AKAP9: variants seen among roughly 807,000 people sequenced by gnomAD.
AKAP9 encodes the protein A-kinase anchoring protein 9.
In AKAP9, 311 loss-of-function variants were observed where a neutral mutation model predicts 488.5. That is an observed-to-expected ratio of 0.64 (90% confidence interval 0.58 to 0.70). The LOEUF is 0.70. AKAP9 is among the 30% of genes least tolerant of loss of function. The pLI is 0.00. For missense variants in AKAP9, 4,215 were observed against 4,374.5 expected (o/e 0.96, Z 1.03); for synonymous variants, 1,462 against 1,483.5 (o/e 0.99, Z 0.33).
intron 7 of AKAP9, among the ~76,000 whole-genome samples, chr7:91,996,625 C>T (rs1419444578): frequency 1.3e-5 from 2 of 152,174 alleles, no homozygotes; most frequent in Non-Finnish European, 2.9e-5. Flanking sequence ...TCGCTCTGTG[C>T]ACACCTACAA....
intron 7 of AKAP9, among the ~76,000 whole-genome samples, chr7:91,997,625 G>A (rs1192952842): frequency 1.3e-5 from 2 of 152,150 alleles, no homozygotes; most frequent in African/African-American, 4.8e-5. Context: ...GGTGTAACTT[G>A]TCTAGAAACA....
chr7:91,972,001 T>TC (rs1007899938), intron 1 of AKAP9, among the ~76,000 whole-genome samples: 8 of 147,058 alleles, frequency 5.4e-5, no homozygotes, highest in East Asian at 3.9e-4. Flanking sequence ...TTTTTTTTTT[T>TC]TGCACTATGT....
At chr7:92,034,042 G>T (rs944389397) in intron 16 of AKAP9, among the ~76,000 whole-genome samples, 8 of 152,154 alleles carry the variant, frequency 5.3e-5, no homozygotes, top group African/African-American at 1.9e-4. Context: ...GTGAGATGGT[G>T]TTATTTTATA....
chr7:91,991,373 G>A (rs1022965975), intron 3 of AKAP9, among the ~76,000 whole-genome samples: 7 of 152,066 alleles, frequency 4.6e-5, no homozygotes, highest in African/African-American at 1.7e-4. Flanking sequence ...CAATTAATAG[G>A]TGTGCCAGTT....
At chr7:91,993,315 A>T (rs1179665398) in intron 5 of AKAP9, among the ~76,000 whole-genome samples, 1 of 151,462 alleles carries the variant, frequency 6.6e-6, no homozygotes, top group Non-Finnish European at 1.5e-5. Flanking sequence ...CAGCCTTGTG[A>T]GTAACTGGGA....
chr7:92,061,210 G>A (rs762013635), intron 22 of AKAP9, 50 bp from the exon 23 acceptor site: 3 of 1,597,732 alleles, frequency 1.9e-6, no homozygotes, highest in South Asian at 2.2e-5. Flanking sequence ...AATGAAACTA[G>A]TATTTCCACA....
chr7:91,955,131 A>G (rs2130485724), intron 1 of AKAP9, among the ~76,000 whole-genome samples: 1 of 152,268 alleles, frequency 6.6e-6, no homozygotes, highest in South Asian at 2.1e-4. Flanking sequence ...TAATTCTAAG[A>G]GAAGAATCTA....
intron 25 of AKAP9, 21 bp from the exon 26 acceptor site, chr7:92,066,406 A>T: frequency 1.2e-6 from 2 of 1,611,952 alleles, no homozygotes; most frequent in Non-Finnish European, 1.7e-6. Context: ...AGCTACTATC[A>T]TTATTGTCAT....
At chr7:92,057,885 G>GT (rs1809063774) in intron 22 of AKAP9, 1 of 229,578 alleles carries the variant, frequency 4.4e-6, no homozygotes, top group African/African-American at 2.2e-5. Flanking sequence ...TTTTATTTTT[G>GT]TTTTTTGATT....
rs1816776801 is a variant in AKAP9, at chr7:92,097,252, T to C, written c.10293T>C (p.Leu3431=). The C allele has an allele frequency of 6.2e-7, 1 of 1,613,734 alleles. No homozygotes were observed. The highest frequency in any genetic ancestry group is 1.3e-5 in the African/African-American group (1 of 74,894). The change falls in exon 41 of 50, where the codon CTT becomes CTC. Residue 3431 remains leucine (L), a synonymous_variant. Transcript: ENST00000356239. ...GACAACAAGTTTATAAGTTAGACCT[T>C]GAAGGACAGCGACTACAAGGAATCA... The part of the protein sequence containing the change: ...EKRQQVYKLD[L]EGQRLQGIMQ...
chr7:91,987,380 T>C (rs1258621443), intron 3 of AKAP9, among the ~76,000 whole-genome samples: 22 of 151,742 alleles, frequency 1.4e-4, no homozygotes, highest in African/African-American at 1.9e-4. Context: ...GATAGTGCCA[T>C]TGCACTCCAG....
At chr7:92,056,221 G>C (rs555434035) in intron 22 of AKAP9, among the ~76,000 whole-genome samples, 1 of 151,764 alleles carries the variant, frequency 6.6e-6, no homozygotes. Flanking sequence ...TATCCTGACC[G>C]AAATGTTAAC....
chr7:91,979,436 G>A (rs1230399357), intron 2 of AKAP9, among the ~76,000 whole-genome samples: 2 of 152,058 alleles, frequency 1.3e-5, no homozygotes, highest in Admixed American at 6.6e-5. Context: ...CTCCCACCAG[G>A]TCTCTCCCAA....
At chr7:92,087,287 A>G (rs1044979139) in intron 37 of AKAP9, among the ~76,000 whole-genome samples, 2 of 152,230 alleles carry the variant, frequency 1.3e-5, no homozygotes, top group Non-Finnish European at 2.9e-5. Flanking sequence ...GTACAATAGG[A>G]TAAAATGTTA....
At chr7:91,989,614 T>C (rs931131941) in intron 3 of AKAP9, among the ~76,000 whole-genome samples, 1 of 152,060 alleles carries the variant, frequency 6.6e-6, no homozygotes, top group Non-Finnish European at 1.5e-5. Flanking sequence ...ATTATAGATT[T>C]CATCTGATTA....
intron 16 of AKAP9, 134 bp downstream of exon 16, chr7:92,031,738 A>G (rs768370776): frequency 4.0e-5 from 28 of 701,578 alleles, no homozygotes; most frequent in Middle Eastern, 3.0e-4. Context: ...ATTGGATAAT[A>G]TCAATTATAG....
At chr7:91,993,794 T>C (rs534855830) in intron 5 of AKAP9, among the ~76,000 whole-genome samples, 2 of 152,344 alleles carry the variant, frequency 1.3e-5, no homozygotes, top group South Asian at 4.1e-4. Flanking sequence ...GAGAAAATTA[T>C]GGTGCAAACC....
chr7:92,003,790 CTA>C (rs1381071112), intron 8 of AKAP9, among the ~76,000 whole-genome samples: 1 of 151,808 alleles, frequency 6.6e-6, no homozygotes, highest in Non-Finnish European at 1.5e-5. Context: ...AGTATTAACT[CTA>C]AATATAGTTA....
chr7:92,086,218 A>G lies in AKAP9; in HGVS notation c.9025-10A>G. The G allele has an allele frequency of 6.2e-7, 1 of 1,609,330 alleles. No individual in the cohort carries two copies. The highest frequency in any genetic ancestry group is 8.5e-7 in the Non-Finnish European group (1 of 1,175,838). On this transcript the variant is annotated splice_polypyrimidine_tract_variant and intron_variant, in intron 36 of 49. Coordinates refer to ENST00000356239, the MANE Select transcript of AKAP9 (RefSeq NM_005751.5). Reference sequence around the variant, plus strand: ...TTGAAAACTAACTATCGTTATATGTACTTTGCTAGGTTTATGATAGTTCTC... The same window carrying G: ...TTGAAAACTAACTATCGTTATATGTGCTTTGCTAGGTTTATGATAGTTCTC...
Sources: gnomAD v4.1 joint callset for allele counts (sites outside exome capture counted in the v4.1 genomes callset) on GRCh38, gnomAD v4.1.1 for gene constraint, MANE v1.5 for transcripts, NCBI Gene and HGNC (gene_info 2026-07-23, HGNC 2026-07-21) for gene names.